Variants in PCDHGB2 observed in about 807,000 individuals in gnomAD.
PCDHGB2 encodes protocadherin gamma subfamily B, 2, also known as protocadherin gamma-B2.
PCDHGB2 carries 55 observed loss-of-function variants against 59.3 expected under a neutral mutation model. The observed-to-expected ratio is 0.93, with a 90% CI of 0.75 to 1.16. The LOEUF (loss-of-function observed/expected upper bound fraction) is 1.16, where lower values mean the gene tolerates loss of function less well. Among genes scored for constraint, PCDHGB2 ranks in the 50% most tolerant of loss-of-function variants. The pLI is 0.00. For missense variants in PCDHGB2, 1,228 were observed against 1,198.5 expected (o/e 1.02, Z -0.36); for synonymous variants, 516 against 512.0 (o/e 1.01, Z -0.11).
At chr5:141,372,748 C>T (rs771861396) in intron 1 of PCDHGB2, 2 of 1,613,132 alleles carry the variant, frequency 1.2e-6, no homozygotes, top group East Asian at 2.2e-5. Context: ...TGTGATGAAG[C>T]CTCTTGGTTT....
At chr5:141,407,512 T>G (rs910710605) in intron 1 of PCDHGB2, among the ~76,000 whole-genome samples, 3 of 152,192 alleles carry the variant, frequency 2.0e-5, no homozygotes, top group Non-Finnish European at 4.4e-5. Flanking sequence ...TCTTAGGCTA[T>G]GTAGGACTTA....
chr5:141,431,438 C>A lies in PCDHGB2; in HGVS notation c.2422-63369C>A, dbSNP rs773812765. 6.2e-7 allele frequency: 1 copy of A among 1,613,612 alleles called. No homozygotes were observed. The highest frequency in any genetic ancestry group is 1.7e-5 in the Admixed American group (1 of 60,004). ...CGACCCGGTGCGCACAGGCACCGCG[C>A]GCATCCGCGTGATGGTTCTGGATGC... On this transcript the variant is annotated intron_variant, in intron 1 of 3. Coordinates refer to ENST00000522605, the MANE Select transcript of PCDHGB2 (RefSeq NM_018923.3). This position sits in a 1 kb window ranked among gnomAD's most constrained non-coding sequence, Gnocchi z 4.8.
At chr5:141,441,981 C>A in intron 1 of PCDHGB2, 1 of 278,140 alleles carries the variant, frequency 3.6e-6, no homozygotes, top group South Asian at 3.6e-5. Context: ...GCCTGGAATG[C>A]GCACCGACGA....
chr5:141,491,316 T>C lies in PCDHGB2; in HGVS notation c.2422-3491T>C. The C allele has an allele frequency of 3.1e-6, 5 of 1,614,176 alleles. No homozygotes were observed. The highest frequency in any genetic ancestry group is 3.4e-6 in the Non-Finnish European group (4 of 1,180,004). ...CTCCTGAGCGTTCAGACCTTACCCT[T>C]TACCTCATTGTGGCTCTAGCGACCG... is the stretch of plus-strand genomic sequence containing the variant. On this transcript the variant is annotated intron_variant, in intron 1 of 3. Coordinates refer to ENST00000522605, the MANE Select transcript of PCDHGB2 (RefSeq NM_018923.3). The surrounding 1 kb of genome is among the most constrained non-coding windows in gnomAD (Gnocchi z 6.9).
intron 1 of PCDHGB2, chr5:141,423,967 A>T (rs760284844): frequency 5.2e-6 from 6 of 1,153,616 alleles, no homozygotes; most frequent in Non-Finnish European, 6.5e-6. Context: ...TTTTTCTATT[A>T]TCAGTGTATG....
intron 1 of PCDHGB2, chr5:141,409,027 TGA>T: frequency 1.9e-6 from 3 of 1,613,978 alleles, no homozygotes; most frequent in Non-Finnish European, 2.5e-6. Context: ...GGGTCAATGC[TGA>T]GATAAACTAC....
intron 1 of PCDHGB2, among the ~76,000 whole-genome samples, chr5:141,434,384 G>T (rs980455943): frequency 2.6e-5 from 4 of 152,208 alleles, no homozygotes; most frequent in African/African-American, 4.8e-5. Context: ...CCCAAAACTG[G>T]CCATAAACAA....
At chr5:141,448,984 A>C (rs2098621334) in intron 1 of PCDHGB2, among the ~76,000 whole-genome samples, 1 of 152,086 alleles carries the variant, frequency 6.6e-6, no homozygotes, top group Non-Finnish European at 1.5e-5. Context: ...CTTCCATATT[A>C]ATATATAGAA....
chr5:141,445,137 T>C (rs933188032), intron 1 of PCDHGB2, among the ~76,000 whole-genome samples: 9 of 152,248 alleles, frequency 5.9e-5, no homozygotes, highest in Admixed American at 3.3e-4. Context: ...AAATTGTATC[T>C]TCTAATTGTT....
chr5:141,403,377 T>G lies in PCDHGB2; in HGVS notation c.2421+40821T>G. 6.2e-7 allele frequency: 1 copy of G among 1,614,016 alleles called. No homozygotes were observed. The highest frequency in any genetic ancestry group is 8.5e-7 in the Non-Finnish European group (1 of 1,179,900). On this transcript the variant is annotated intron_variant, in intron 1 of 3. Transcript: ENST00000522605. ...CAGGCCGAAAGTCTGGAAGTAAAAA[T>G]TAACGAAATCGCGGTTCCTGGAGCA... is the stretch of plus-strand genomic sequence containing the variant.
chr5:141,422,762 C>A (rs745320796), intron 1 of PCDHGB2: 1 of 1,613,392 alleles, frequency 6.2e-7, no homozygotes, highest in Admixed American at 1.7e-5. Context: ...AACTCCAACA[C>A]TGGTGTTCTC....
chr5:141,467,756 T>A (rs1312303182), intron 1 of PCDHGB2, among the ~76,000 whole-genome samples: 5 of 151,988 alleles, frequency 3.3e-5, no homozygotes, highest in African/African-American at 1.2e-4. Flanking sequence ...CCGCCTCACA[T>A]GCTCAAGTGC....
chr5:141,388,843 G>C (rs750672396), intron 1 of PCDHGB2: 1 of 1,614,002 alleles, frequency 6.2e-7, no homozygotes, highest in Admixed American at 1.7e-5. Flanking sequence ...TTGGAAGCAA[G>C]GGACGGTGGA....
rs762015105 is a variant in PCDHGB2 at position 141,360,985 on chromosome 5, G to A, written c.850G>A (p.Val284Met). The A allele has an allele frequency of 1.9e-6, 3 of 1,613,644 alleles. No homozygotes were observed. The highest frequency in any genetic ancestry group is 4.5e-5 in the East Asian group (2 of 44,892). ...NAEITYSFHN[V>M]DEQVKHFFNL... ...AGAGATCACCTACTCCTTTCATAATGTGGACGAACAAGTGAAACACTTTTT... is the reference window on the plus strand; with the variant it reads ...AGAGATCACCTACTCCTTTCATAATATGGACGAACAAGTGAAACACTTTTT... Residue 284 changes from valine to methionine, a missense_variant, in exon 1 of 4, where the codon GTG (valine) becomes ATG (methionine). By Grantham distance (21) the Val-to-Met change is conservative. This residue lies in a region of PCDHGB2 where 781 missense variants were observed against 721.6 expected (regional missense o/e 1.08). Coordinates refer to ENST00000522605, the MANE Select transcript of PCDHGB2 (RefSeq NM_018923.3).
intron 1 of PCDHGB2, chr5:141,421,959 A>T: frequency 6.2e-7 from 1 of 1,612,798 alleles, no homozygotes; most frequent in Non-Finnish European, 8.5e-7. Flanking sequence ...CAATGTTTAC[A>T]CAGTCCGTAT....
At chr5:141,422,980 C>T in intron 1 of PCDHGB2, 1 of 1,614,232 alleles carries the variant, frequency 6.2e-7, no homozygotes, top group Middle Eastern at 1.7e-4. Flanking sequence ...CTCTGCGGAA[C>T]CTGGCTACCT....
At chr5:141,460,872 T>C (rs2098999714) in intron 1 of PCDHGB2, among the ~76,000 whole-genome samples, 1 of 151,064 alleles carries the variant, frequency 6.6e-6, no homozygotes, top group South Asian at 2.1e-4. Flanking sequence ...GCAAAGGACA[T>C]TATTTCATGC....
At chr5:141,365,344 G>C (rs1449148775) in intron 1 of PCDHGB2, 1 of 1,613,966 alleles carries the variant, frequency 6.2e-7, no homozygotes, top group Non-Finnish European at 8.5e-7. Context: ...TCACAGTACA[G>C]GACGTGAATG....
chr5:141,360,185 T>C lies in PCDHGB2; in HGVS notation c.50T>C (p.Leu17Pro). The change falls in exon 1 of 4, where the codon CTG (leucine) becomes CCG (proline). Residue 17 changes from leucine to proline, a missense_variant. Physicochemically the swap from Leu to Pro is moderately conservative, Grantham distance 98. This residue lies in a region of PCDHGB2 where 781 missense variants were observed against 721.6 expected (regional missense o/e 1.08). Coordinates refer to ENST00000522605, the MANE Select transcript of PCDHGB2 (RefSeq NM_018923.3). ...RCGLVRWLQV[L>P]LPFLLSLFPG... is the part of the protein sequence containing the mutation. ...GGGCTGGTGCGGTGGCTGCAGGTACTGTTGCCCTTCCTGTTGTCTTTGTTC... is the reference window on the plus strand; with the variant it reads ...GGGCTGGTGCGGTGGCTGCAGGTACCGTTGCCCTTCCTGTTGTCTTTGTTC... The C allele has an allele frequency of 1.2e-6, 2 of 1,611,370 alleles. No individual in the cohort carries two copies. The highest frequency in any genetic ancestry group is 1.7e-6 in the Non-Finnish European group (2 of 1,178,656).
Sources: allele counts gnomAD v4.1 joint callset (sites outside exome capture counted in the v4.1 genomes callset), GRCh38; gene constraint gnomAD v4.1.1; regional missense constraint gnomAD v4.1.1; non-coding constraint Gnocchi (gnomAD v3.1); transcripts MANE v1.5; gene names NCBI Gene and HGNC (gene_info 2026-07-23, HGNC 2026-07-21).